RYR2: variants seen among roughly 807,000 people sequenced by gnomAD.
RYR2 encodes the protein cardiac muscle ryanodine receptor-calcium release channel.
Under a neutral mutation model 601.1 loss-of-function variants are expected in RYR2, and 227 were observed. The observed-to-expected ratio is 0.38, with a 90% confidence interval of 0.34 to 0.42. RYR2 has a LOEUF of 0.42. Among genes scored for constraint, RYR2 ranks in the 10% least tolerant of loss-of-function variants. The pLI, the probability that RYR2 is intolerant of heterozygous loss-of-function variation, is 1.00. For synonymous variants in RYR2, 2,223 were observed against 2,175.1 expected (o/e 1.02, Z -0.61); for missense variants, 4,646 against 6,156.5 (o/e 0.75, Z 8.21).
chr1:237,833,451 A>G lies in RYR2; in HGVS notation c.*804A>G, dbSNP rs1664048736. ...TATGAAATCTTTGTATGAAAACAAA[A>G]AGACTGCAAAAAATACACTTTCAAA... On this transcript the variant is annotated 3_prime_UTR_variant, in exon 105 of 105. Coordinates refer to ENST00000366574, the MANE Select transcript of RYR2 (RefSeq NM_001035.3). 6.6e-6 allele frequency: 1 copy of G among 152,204 alleles called. No homozygotes were observed. The highest frequency in any genetic ancestry group is 1.5e-5 in the Non-Finnish European group (1 of 67,998). The allele number at this position is 152,204 out of a possible 1,614,324, so 9.4% of individuals were successfully genotyped here.
chr1:237,719,835 T>C (rs969840262), intron 73 of RYR2, among the ~76,000 whole-genome samples: 5 of 151,336 alleles, frequency 3.3e-5, no homozygotes, highest in Admixed American at 2.0e-4. Context: ...CATGATCAAC[T>C]CAGCTCCCAC....
At chr1:237,775,849 G>A (rs1694621041) in intron 87 of RYR2, among the ~76,000 whole-genome samples, 1 of 152,170 alleles carries the variant, frequency 6.6e-6, no homozygotes. Context: ...CACCAGACTA[G>A]GGAGTTTACA....
rs1297839302 is a variant in RYR2 at position 237,387,249 on chromosome 1, G to A, written c.577-32G>A. On this transcript the variant is annotated intron_variant, in intron 8 of 104. Coordinates refer to ENST00000366574, the MANE Select transcript of RYR2 (RefSeq NM_001035.3). Reference sequence around the variant, plus strand: ...TACATGTTACAGCTTACCAGAGCCTGAAGTGATGCCTCCTTTTGCCTCTTG... The same window carrying A: ...TACATGTTACAGCTTACCAGAGCCTAAAGTGATGCCTCCTTTTGCCTCTTG... 2.5e-6 allele frequency: 4 copies of A among 1,595,620 alleles called. No individual in the cohort carries two copies. In the Admixed American group the frequency reaches 6.7e-5, roughly 27 times the overall value.
intron 84 of RYR2, among the ~76,000 whole-genome samples, chr1:237,766,605 G>A (rs1693866836): frequency 2.0e-5 from 3 of 152,156 alleles, no homozygotes; most frequent in Admixed American, 1.3e-4. Flanking sequence ...AAGGCAGGGA[G>A]ATCAGTAAGG....
chr1:237,615,513 A>G (rs192034852), intron 37 of RYR2, among the ~76,000 whole-genome samples: 2 of 152,304 alleles, frequency 1.3e-5, no homozygotes, highest in East Asian at 3.9e-4. Context: ...TTTTTAAGGA[A>G]TCAGACACAC....
At position 237,169,719 on chromosome 1, in the gene RYR2, ATAAAG is replaced by A. The variant is rs1677143629; in HGVS notation, c.49-100774_49-100770del. On this transcript the variant is annotated intron_variant, in intron 1 of 104. Transcript: ENST00000366574. ...CATGAAATACTTTAAACAAAAAATGATAAAGTAAGCAGACTTGCTTGGCGCTCTAG... is the reference window on the plus strand; with the variant it reads ...CATGAAATACTTTAAACAAAAAATGATAAGCAGACTTGCTTGGCGCTCTAG... 2.0e-5 allele frequency among the ~76,000 whole-genome samples: 3 copies of A among 152,348 alleles called. No homozygotes were observed. The South Asian group carries it at 6.2e-4, about 32-fold the overall frequency.
In RYR2 at chr1:237,610,909, A is replaced by G. The variant is rs755572625; in HGVS notation, c.4831A>G (p.Ile1611Val). 13 of 1,613,424 alleles carry G rather than the reference A, an allele frequency of 8.1e-6. No homozygotes were observed. The highest frequency in any genetic ancestry group is 1.3e-5 in the African/African-American group (1 of 74,916). The change falls in exon 36 of 105, where the codon ATA becomes GTA. Residue 1611 changes from isoleucine to valine, a missense_variant. By Grantham distance (29) the Ile-to-Val change is conservative (BLOSUM62 3). Coordinates refer to ENST00000366574, the MANE Select transcript of RYR2 (RefSeq NM_001035.3). The surrounding 1 kb of genome is among the most constrained non-coding windows in gnomAD (Gnocchi z 4.9). ...GTTTTTGAAGGTAGATGTGTCTCGA[A>G]TAAGTGAACGCCAAGGCTGGTTGGT... is the stretch of plus-strand genomic sequence containing the variant. ...NQFLKVDVSRISERQGWLVQC... is the reference protein window; with the variant it reads ...NQFLKVDVSRVSERQGWLVQC...
intron 1 of RYR2, among the ~76,000 whole-genome samples, chr1:237,188,084 G>GA (rs1202838074): frequency 6.6e-6 from 1 of 152,290 alleles, no homozygotes; most frequent in Non-Finnish European, 1.5e-5. Context: ...CAGCTAGTTT[G>GA]AAAAACTGAA....
intron 1 of RYR2, among the ~76,000 whole-genome samples, chr1:237,265,074 T>C (rs749053092): frequency 5.9e-5 from 9 of 151,940 alleles, no homozygotes; most frequent in Non-Finnish European, 1.0e-4. Context: ...AAAGAGAAAA[T>C]ACAATGTTAT....
chr1:237,569,795 C>T (rs1358378499), intron 29 of RYR2, among the ~76,000 whole-genome samples: 1 of 152,146 alleles, frequency 6.6e-6, no homozygotes, highest in Non-Finnish European at 1.5e-5. Flanking sequence ...GAGGTTGACA[C>T]TTGTACAGTT....
At chr1:237,146,806 A>G (rs1674051797) in intron 1 of RYR2, among the ~76,000 whole-genome samples, 1 of 152,212 alleles carries the variant, frequency 6.6e-6, no homozygotes, top group African/African-American at 2.4e-5. Context: ...TTTAAACTAC[A>G]GATTAATCAT....
chr1:237,493,642 C>T (rs1251574627), intron 19 of RYR2, among the ~76,000 whole-genome samples: 6 of 152,214 alleles, frequency 3.9e-5, no homozygotes, highest in South Asian at 2.1e-4. Context: ...TTAGTAGAGA[C>T]AGGGTTTCAC....
intron 84 of RYR2, among the ~76,000 whole-genome samples, chr1:237,770,412 A>T (rs1006232672): frequency 3.3e-5 from 5 of 152,196 alleles, no homozygotes; most frequent in African/African-American, 1.2e-4. Flanking sequence ...TCATTTGGTC[A>T]TAATCCGGGT....
Position 237,474,243 on chromosome 1 carries a change from A to AT in RYR2, c.1708+5056_1708+5057insT, listed in dbSNP as rs1572490322. Among the ~76,000 whole-genome samples, 3 of 145,584 alleles carry AT rather than the reference A, an allele frequency of 2.1e-5. No homozygotes were observed. In the East Asian group the frequency reaches 6.4e-4, roughly 31 times the overall value. ...TGTAGATCTATACATATATATGTAT[A>AT]GATATATACATATGTATAGATACCT... is the stretch of plus-strand genomic sequence containing the variant. On this transcript the variant is annotated intron_variant, in intron 17 of 104. Coordinates refer to ENST00000366574, the MANE Select transcript of RYR2 (RefSeq NM_001035.3).
At chr1:237,808,865 T>C (rs1660952242) in intron 99 of RYR2, 36 bp from the exon 100 acceptor site, 1 of 1,610,996 alleles carries the variant, frequency 6.2e-7, no homozygotes, top group Admixed American at 1.7e-5. Context: ...ATGTCCTACA[T>C]TTCTAATACC....
intron 29 of RYR2, 49 bp from the exon 30 acceptor site, chr1:237,589,744 A>G: frequency 6.5e-7 from 1 of 1,546,480 alleles, no homozygotes; most frequent in Non-Finnish European, 8.9e-7. Context: ...CTATACTAAC[A>G]GGATCATATA....
chr1:237,304,632 G>C (rs115919194), intron 2 of RYR2, among the ~76,000 whole-genome samples: 2,248 of 152,254 alleles, frequency 0.015, 37 homozygotes, highest in South Asian at 0.075. Flanking sequence ...CAAAAGAAAG[G>C]TGGTGAAGGT....
At chr1:237,722,789 A>G (rs1014713506) in intron 73 of RYR2, among the ~76,000 whole-genome samples, 10 of 152,174 alleles carry the variant, frequency 6.6e-5, no homozygotes, top group East Asian at 1.9e-4. Context: ...GGATGTTTCA[A>G]TATACATAAG....
chr1:237,506,155 A>G (rs1665207404), intron 22 of RYR2, among the ~76,000 whole-genome samples: 1 of 115,096 alleles, frequency 8.7e-6, no homozygotes, highest in Middle Eastern at 4.4e-3. Context: ...TGTCCCCACC[A>G]ACACTCCTTT....
Sources: allele counts gnomAD v4.1 joint callset (sites outside exome capture counted in the v4.1 genomes callset), GRCh38; gene constraint gnomAD v4.1.1; non-coding constraint Gnocchi (gnomAD v3.1); transcripts MANE v1.5; gene names NCBI Gene and HGNC (gene_info 2026-07-23, HGNC 2026-07-21).